CXCL13: variants seen among roughly 807,000 people sequenced by gnomAD.
The protein encoded by CXCL13 is C-X-C motif chemokine 13.
Under a neutral mutation model 12.2 loss-of-function variants are expected in CXCL13, and 7 were observed. The ratio of observed to expected loss-of-function variants is 0.57; its 90% CI spans 0.33 to 1.07. CXCL13 has a LOEUF of 1.07. CXCL13 is among the 50% of genes least tolerant of loss of function. The pLI is 0.04. For missense variants in CXCL13, 113 were observed against 127.4 expected, an observed-to-expected ratio of 0.89 and a Z score of 0.55; for synonymous variants, 47 against 42.4, an observed-to-expected ratio of 1.11 and a Z score of -0.42.
At chr4:77,544,960 C>A in intron 1 of CXCL13, among the ~76,000 whole-genome samples, 1 of 152,196 alleles carries the variant, frequency 6.6e-6, no homozygotes, top group African/African-American at 2.4e-5. Flanking sequence ...CAGCTTTCTA[C>A]ATATGGCTAG....
At chr4:77,544,205 G>C (rs188365180) in intron 1 of CXCL13, among the ~76,000 whole-genome samples, 4 of 151,976 alleles carry the variant, frequency 2.6e-5, no homozygotes, top group Non-Finnish European at 5.9e-5. Context: ...CGCAATAAAC[G>C]TATGTGTGCA....
chr4:77,594,524 G>C (rs563200751), intron 1 of CXCL13, among the ~76,000 whole-genome samples: 7 of 152,298 alleles, frequency 4.6e-5, no homozygotes, highest in African/African-American at 1.7e-4. Context: ...TAGCTCAAAA[G>C]CTTCCCTCTG....
chr4:77,576,421 A>G (rs1337868962), intron 1 of CXCL13, among the ~76,000 whole-genome samples: 1 of 152,230 alleles, frequency 6.6e-6, no homozygotes, highest in Non-Finnish European at 1.5e-5. Flanking sequence ...TTTGGAAACT[A>G]CTTGCAAGTA....
At chr4:77,576,830 T>C (rs1380034523) in intron 1 of CXCL13, among the ~76,000 whole-genome samples, 1 of 152,226 alleles carries the variant, frequency 6.6e-6, no homozygotes, top group Non-Finnish European at 1.5e-5. Flanking sequence ...GCCTAAAGTC[T>C]ATTTTGCAAA....
At chr4:77,608,153 A>G (rs964775167) in intron 2 of CXCL13, among the ~76,000 whole-genome samples, 1 of 152,164 alleles carries the variant, frequency 6.6e-6, no homozygotes, top group Non-Finnish European at 1.5e-5. Flanking sequence ...TAGAAAGTGC[A>G]TTAGTGGCCA....
chr4:77,520,668 C>T (rs959511761), intron 1 of CXCL13, among the ~76,000 whole-genome samples: 3 of 152,280 alleles, frequency 2.0e-5, no homozygotes, highest in African/African-American at 4.8e-5. Flanking sequence ...CAAACAGGGA[C>T]AATGTGACTT....
chr4:77,524,082 C>T (rs1178050402), intron 1 of CXCL13, among the ~76,000 whole-genome samples: 1 of 152,156 alleles, frequency 6.6e-6, no homozygotes, highest in Non-Finnish European at 1.5e-5. Context: ...AATATTGCTG[C>T]CTGATCCTTC....
chr4:77,609,479 G>GT (rs940885728), intron 2 of CXCL13, among the ~76,000 whole-genome samples: 6 of 151,372 alleles, frequency 4.0e-5, no homozygotes, highest in Non-Finnish European at 5.9e-5. Flanking sequence ...TGCCCAGCTA[G>GT]TTTTTTTTAT....
At chr4:77,529,748 C>T (rs1024860248) in intron 1 of CXCL13, among the ~76,000 whole-genome samples, 1 of 152,134 alleles carries the variant, frequency 6.6e-6, no homozygotes, top group African/African-American at 2.4e-5. Context: ...TCCTCTTTTC[C>T]TAATTGAATA....
rs144085433 is a variant in CXCL13 at position 77,524,676 on chromosome 4, C to T, written c.-43+12888C>T. Among the ~76,000 whole-genome samples the T allele has an allele frequency of 1.8e-4, 27 of 152,264 alleles. No individual in the cohort carries two copies. In the East Asian group the frequency reaches 4.3e-3, roughly 24 times the overall value. On this transcript the variant is annotated intron_variant, in intron 1 of 4. Transcript: ENST00000286758. ...AAATCCCCTGTCCCCTTGCACTTCCCGGGTGAGGCTATGTCCCACCCTGCT... is the reference window on the plus strand; with the variant it reads ...AAATCCCCTGTCCCCTTGCACTTCCTGGGTGAGGCTATGTCCCACCCTGCT...
chr4:77,512,966 C>T (rs534461195), intron 1 of CXCL13, among the ~76,000 whole-genome samples: 4 of 152,144 alleles, frequency 2.6e-5, no homozygotes, highest in East Asian at 3.9e-4. Flanking sequence ...TTGTGATGTT[C>T]CCCATCCTGT....
chr4:77,603,679 T>C (rs181059052), upstream of CXCL13, among the ~76,000 whole-genome samples: 488 of 152,254 alleles, frequency 3.2e-3, 3 homozygotes, highest in African/African-American at 0.011. Context: ...CTTTTATGGA[T>C]GGATGGACAG....
At chr4:77,538,107 G>A (rs1009426646) in intron 1 of CXCL13, among the ~76,000 whole-genome samples, 1 of 152,152 alleles carries the variant, frequency 6.6e-6, no homozygotes, top group Admixed American at 6.5e-5. Context: ...GGAACACCTT[G>A]AACCCACTGT....
chr4:77,519,800 C>G (rs1286859294), intron 1 of CXCL13, among the ~76,000 whole-genome samples: 3 of 152,134 alleles, frequency 2.0e-5, no homozygotes, highest in Admixed American at 1.3e-4. Context: ...ATGCCTATGT[C>G]CTGAATGGTA....
At chr4:77,543,484 G>A (rs1725256574) in intron 1 of CXCL13, among the ~76,000 whole-genome samples, 1 of 152,070 alleles carries the variant, frequency 6.6e-6, no homozygotes, top group East Asian at 1.9e-4. Flanking sequence ...TTTTGACATA[G>A]GCATTTAGCA....
chr4:77,548,508 C>A (rs1725430829), intron 1 of CXCL13, among the ~76,000 whole-genome samples: 1 of 152,212 alleles, frequency 6.6e-6, no homozygotes, highest in Non-Finnish European at 1.5e-5. Context: ...GGGAGCAATA[C>A]TGTGGCTATC....
chr4:77,552,271 T>A (rs1423700622), intron 1 of CXCL13, among the ~76,000 whole-genome samples: 1 of 152,142 alleles, frequency 6.6e-6, no homozygotes, highest in Non-Finnish European at 1.5e-5. Flanking sequence ...TCTTTCCCTA[T>A]AATAATAACA....
chr4:77,524,473 C>T (rs1335744043), intron 1 of CXCL13, among the ~76,000 whole-genome samples: 1 of 152,226 alleles, frequency 6.6e-6, no homozygotes, highest in Admixed American at 6.5e-5. Context: ...TGCCACCTCA[C>T]AGTTCGATCT....
At chr4:77,581,419 C>T (rs1726331276) in intron 1 of CXCL13, among the ~76,000 whole-genome samples, 1 of 152,160 alleles carries the variant, frequency 6.6e-6, no homozygotes, top group Non-Finnish European at 1.5e-5. Flanking sequence ...AAATCTCCCA[C>T]AAAAATCCAG....
Sources: gnomAD v4.1 joint callset for allele counts (sites outside exome capture counted in the v4.1 genomes callset) on GRCh38, gnomAD v4.1.1 for gene constraint, MANE v1.5 for transcripts, NCBI Gene and HGNC (gene_info 2026-07-23, HGNC 2026-07-21) for gene names.